The following ARHGAP15 variants were observed in gnomAD, a reference collection of about 807,000 sequenced individuals.
ARHGAP15 encodes the protein Rho GTPase activating protein 15.
Under a neutral mutation model 63.7 loss-of-function variants are expected in ARHGAP15, and 51 were observed. That is an observed-to-expected ratio of 0.80 (90% CI 0.64 to 1.01). The LOEUF (loss-of-function observed/expected upper bound fraction) is 1.01. Among genes scored for constraint, ARHGAP15 ranks in the 50% least tolerant of loss-of-function variants. ARHGAP15 has a pLI of 0.00. For synonymous variants in ARHGAP15, 191 were observed against 193.8 expected (o/e 0.99, Z 0.12); for missense variants, 560 against 564.6 (o/e 0.99, Z 0.08).
intron 13 of ARHGAP15, among the ~76,000 whole-genome samples, chr2:143,720,866 A>C (rs573401662): frequency 1.3e-5 from 2 of 151,992 alleles, no homozygotes; most frequent in African/African-American, 2.4e-5. Flanking sequence ...TCAGGAGATC[A>C]AGACCATCCT....
chr2:143,281,091 GA>G (rs985464112), intron 6 of ARHGAP15, among the ~76,000 whole-genome samples: 12 of 151,964 alleles, frequency 7.9e-5, no homozygotes, highest in African/African-American at 2.7e-4. Flanking sequence ...TACAAATCAA[GA>G]AAAGTAACAA....
chr2:143,138,541 C>T (rs1689236922), intron 1 of ARHGAP15, among the ~76,000 whole-genome samples: 1 of 152,082 alleles, frequency 6.6e-6, no homozygotes, highest in South Asian at 2.1e-4. Flanking sequence ...GCAAATATTG[C>T]CTATGCAGAA....
At chr2:143,172,310 G>A (rs1327672831) in intron 2 of ARHGAP15, 1 of 152,082 alleles carries the variant, frequency 6.6e-6, no homozygotes. Flanking sequence ...TGAGGTGAGA[G>A]TAGGGACACT....
At chr2:143,583,065 A>C (rs1006543216) in intron 11 of ARHGAP15, among the ~76,000 whole-genome samples, 3 of 152,124 alleles carry the variant, frequency 2.0e-5, no homozygotes, top group African/African-American at 7.2e-5. Context: ...TCATTTCTCC[A>C]CTGGTCTCAC....
rs183545741 is a variant in ARHGAP15, at chr2:143,481,040, A to G, written c.704-6333A>G. 2.6e-5 allele frequency among the ~76,000 whole-genome samples: 4 copies of G among 152,280 alleles called. No individual in the cohort carries two copies. In the East Asian group the frequency reaches 5.8e-4, roughly 22 times the overall value. On this transcript the variant is annotated intron_variant, in intron 8 of 13. Coordinates refer to ENST00000295095, the MANE Select transcript of ARHGAP15 (RefSeq NM_018460.4). Reference sequence around the variant, plus strand: ...TTCAGTACTTTGTTATGTAATCCCTATGATGGTGTGAGAAGAGTTTTGGAA... The same window carrying G: ...TTCAGTACTTTGTTATGTAATCCCTGTGATGGTGTGAGAAGAGTTTTGGAA...
chr2:143,461,156 G>T (rs945587834), intron 8 of ARHGAP15, among the ~76,000 whole-genome samples: 2 of 151,770 alleles, frequency 1.3e-5, no homozygotes, highest in Non-Finnish European at 2.9e-5. Context: ...CAGGCACGGT[G>T]GCGCACACCT....
At chr2:143,583,531 G>T (rs1000781465) in intron 11 of ARHGAP15, among the ~76,000 whole-genome samples, 6 of 77,076 alleles carry the variant, frequency 7.8e-5, no homozygotes, top group South Asian at 4.3e-4. Flanking sequence ...GACAAAAATG[G>T]GGGGGGTGGA....
At chr2:143,298,333 C>T (rs531134392) in intron 6 of ARHGAP15, among the ~76,000 whole-genome samples, 141 of 151,992 alleles carry the variant, frequency 9.3e-4, no homozygotes, top group African/African-American at 3.3e-3. Context: ...GTTAGCATCT[C>T]GTAATACTGA....
At chr2:143,150,388 G>A (rs1689768008) in intron 1 of ARHGAP15, among the ~76,000 whole-genome samples, 1 of 151,944 alleles carries the variant, frequency 6.6e-6, no homozygotes, top group Non-Finnish European at 1.5e-5. Flanking sequence ...AGTATGAGTA[G>A]GAAAATCAAG....
chr2:143,308,706 A>C (rs927532692), intron 6 of ARHGAP15, among the ~76,000 whole-genome samples: 5 of 152,058 alleles, frequency 3.3e-5, no homozygotes, highest in African/African-American at 1.2e-4. Context: ...GGAGAAGTGC[A>C]CGTTAGTTAT....
intron 8 of ARHGAP15, among the ~76,000 whole-genome samples, chr2:143,462,357 G>GA (rs959738660): frequency 3.3e-5 from 5 of 151,524 alleles, no homozygotes; most frequent in Admixed American, 2.0e-4. Context: ...AACTATTGGG[G>GA]AAAAAAAATA....
At chr2:143,432,607 T>C (rs2105081731) in intron 6 of ARHGAP15, among the ~76,000 whole-genome samples, 1 of 152,212 alleles carries the variant, frequency 6.6e-6, no homozygotes, top group East Asian at 1.9e-4. Flanking sequence ...TTAAGGAATG[T>C]GCCCACTCTG....
In ARHGAP15 at chr2:143,393,731, A is replaced by T. The variant is rs1297605234; in HGVS notation, c.475-41870A>T. Among the ~76,000 whole-genome samples, 33 of 147,882 alleles carry T rather than the reference A, an allele frequency of 2.2e-4. 1 individual carries two copies. The highest frequency in any genetic ancestry group is 1.8e-4 in the Non-Finnish European group (12 of 66,574). Reference sequence around the variant, plus strand: ...TGACAGAGCGAGACTCTGTCTAAAAAAAAAAAAAAAAAAAAAAAAAAAAGT... The same window carrying T: ...TGACAGAGCGAGACTCTGTCTAAAATAAAAAAAAAAAAAAAAAAAAAAAGT... On this transcript the variant is annotated intron_variant, in intron 6 of 13. Transcript: ENST00000295095.
At chr2:143,145,632 A>C (rs1689550806) in intron 1 of ARHGAP15, among the ~76,000 whole-genome samples, 1 of 151,926 alleles carries the variant, frequency 6.6e-6, no homozygotes, top group South Asian at 2.1e-4. Flanking sequence ...TTCCTATTCA[A>C]CTTGTATCCC....
intron 6 of ARHGAP15, among the ~76,000 whole-genome samples, chr2:143,417,780 T>C (rs1373043332): frequency 6.6e-6 from 1 of 152,218 alleles, no homozygotes; most frequent in African/African-American, 2.4e-5. Context: ...TGTTAGACAT[T>C]ATAAAGATGT....
chr2:143,558,637 TTGTATCTTTTCCCA>T, intron 11 of ARHGAP15, among the ~76,000 whole-genome samples: 1 of 152,318 alleles, frequency 6.6e-6, no homozygotes, highest in Non-Finnish European at 1.5e-5. Flanking sequence ...TGAATCATCC[TTGTATCTTTTCCCA>T]TTAACCAGTT....
intron 6 of ARHGAP15, among the ~76,000 whole-genome samples, chr2:143,291,870 A>T (rs1682416293): frequency 6.6e-6 from 1 of 152,124 alleles, no homozygotes; most frequent in South Asian, 2.1e-4. Flanking sequence ...GAATTCCGGA[A>T]TCTTTTAAGA....
intron 5 of ARHGAP15, among the ~76,000 whole-genome samples, chr2:143,247,931 T>C (rs1694106844): frequency 6.6e-6 from 1 of 152,210 alleles, no homozygotes; most frequent in Admixed American, 6.5e-5. Flanking sequence ...CAAAAGCTAG[T>C]TGCATTTTGG....
chr2:143,165,417 T>C (rs1354590056), intron 2 of ARHGAP15, among the ~76,000 whole-genome samples: 1 of 152,090 alleles, frequency 6.6e-6, no homozygotes, highest in Non-Finnish European at 1.5e-5. Context: ...AAGGGACATG[T>C]GTCTCCTTGC....
Sources: gnomAD v4.1 joint callset for allele counts (sites outside exome capture counted in the v4.1 genomes callset) on GRCh38, gnomAD v4.1.1 for gene constraint, MANE v1.5 for transcripts, NCBI Gene and HGNC (gene_info 2026-07-23, HGNC 2026-07-21) for gene names.